CNTNAP2: variants seen among roughly 807,000 people sequenced by gnomAD.
CNTNAP2 encodes contactin-associated protein-like 2.
Under a neutral mutation model 155.2 loss-of-function variants are expected in CNTNAP2, and 98 were observed. That is an observed-to-expected ratio of 0.63 (90% CI 0.54 to 0.75). The LOEUF is 0.75. CNTNAP2 is among the 30% of genes least tolerant of loss of function. The probability of loss-of-function intolerance (pLI) is 0.00; values close to 1 mark genes in which losing one functional copy is unlikely to be tolerated. For synonymous variants in CNTNAP2, 651 were observed against 631.2 expected (o/e 1.03, Z -0.47); for missense variants, 1,727 against 1,688.1 (o/e 1.02, Z -0.40).
intron 4 of CNTNAP2, chr7:147,081,064 A>C (rs1800115239): frequency 6.6e-6 from 1 of 152,196 alleles, no homozygotes; most frequent in Admixed American, 6.5e-5. Context: ...GGAGTATATA[A>C]TCTAATGAAA....
chr7:146,572,555 A>G (rs932068024), intron 1 of CNTNAP2, among the ~76,000 whole-genome samples: 2 of 152,214 alleles, frequency 1.3e-5, no homozygotes, highest in African/African-American at 2.4e-5. Flanking sequence ...ATTTGCCCAT[A>G]CTATGGACAT....
In CNTNAP2 at chr7:147,139,976, T is replaced by C. The variant is rs75160687; in HGVS notation, c.1348+7467T>C. The stretch of plus-strand genomic sequence containing the variant: ...TTTTCTGACTTATTTTATTCTGATA[T>C]ATTTCCCTTGAGGCTTTTCTAACCT... On this transcript the variant is annotated intron_variant, in intron 8 of 23. Transcript: ENST00000361727. Among the ~76,000 whole-genome samples, 592 of 152,212 alleles carry C rather than the reference T, an allele frequency of 3.9e-3. 5 individuals carry two copies. Among genetic ancestry groups the C allele is most frequent in the African/African-American group, 0.014 (570 of 41,538 alleles).
At chr7:148,203,916 T>C (rs1372684277) in intron 18 of CNTNAP2, among the ~76,000 whole-genome samples, 1 of 152,168 alleles carries the variant, frequency 6.6e-6, no homozygotes, top group Admixed American at 6.5e-5. Flanking sequence ...CCTCTTGGAC[T>C]CGGTATACCA....
At chr7:146,441,052 G>A (rs192372569) in intron 1 of CNTNAP2, among the ~76,000 whole-genome samples, 8 of 151,598 alleles carry the variant, frequency 5.3e-5, no homozygotes, top group Admixed American at 3.3e-4. Flanking sequence ...TGTCAGAATT[G>A]TAGGCGTATT....
At chr7:146,660,676 A>G (rs1160937351) in intron 1 of CNTNAP2, among the ~76,000 whole-genome samples, 5 of 152,228 alleles carry the variant, frequency 3.3e-5, no homozygotes, top group African/African-American at 4.8e-5. Flanking sequence ...TCTAATGGTT[A>G]GAAACGCTTT....
chr7:148,334,996 A>C (rs1798094134), intron 21 of CNTNAP2, among the ~76,000 whole-genome samples: 1 of 152,204 alleles, frequency 6.6e-6, no homozygotes. Context: ...AAGATGAGGC[A>C]CCTGGAGCCA....
At chr7:147,683,954 T>C (rs912508221) in intron 13 of CNTNAP2, among the ~76,000 whole-genome samples, 2 of 151,742 alleles carry the variant, frequency 1.3e-5, no homozygotes, top group African/African-American at 4.8e-5. Context: ...ACCTACTTTT[T>C]CATTCTTTGA....
chr7:147,552,601 C>T (rs912758951), intron 11 of CNTNAP2, among the ~76,000 whole-genome samples: 31 of 150,752 alleles, frequency 2.1e-4, no homozygotes, highest in African/African-American at 7.3e-4. Flanking sequence ...CACACACACA[C>T]ACACACAGAG....
intron 10 of CNTNAP2, among the ~76,000 whole-genome samples, chr7:147,407,277 G>A (rs1216339967): frequency 6.6e-6 from 1 of 151,802 alleles, no homozygotes; most frequent in Non-Finnish European, 1.5e-5. Context: ...GACCATCCTG[G>A]CTAACATGGT....
At chr7:146,473,957 A>G (rs1262121153) in intron 1 of CNTNAP2, among the ~76,000 whole-genome samples, 1 of 152,228 alleles carries the variant, frequency 6.6e-6, no homozygotes, top group East Asian at 1.9e-4. Context: ...TATTTTTAGT[A>G]AGAGCCATCT....
At chr7:146,799,901 A>C (rs1802842838) in intron 2 of CNTNAP2, among the ~76,000 whole-genome samples, 1 of 152,168 alleles carries the variant, frequency 6.6e-6, no homozygotes, top group African/African-American at 2.4e-5. Context: ...AAATTTAGTA[A>C]AATTCCTGGT....
rs533957521 is a variant in CNTNAP2 at position 148,359,253 on chromosome 7, CA to C, written c.3476-24393del. 1.6e-3 allele frequency among the ~76,000 whole-genome samples: 238 copies of C among 152,332 alleles called. 1 individual carries two copies. Among genetic ancestry groups the C allele is most frequent in the African/African-American group, 5.4e-3 (224 of 41,572 alleles). ...GCATTCTGTGACGTTCCCACAATAACAAAGTTGCCTAACAAGACTCATTTCA... is the reference window on the plus strand; with the variant it reads ...GCATTCTGTGACGTTCCCACAATAACAAGTTGCCTAACAAGACTCATTTCA... On this transcript the variant is annotated intron_variant, in intron 21 of 23. Transcript: ENST00000361727.
At chr7:147,901,809 C>T (rs1411381025) in intron 13 of CNTNAP2, among the ~76,000 whole-genome samples, 1 of 152,090 alleles carries the variant, frequency 6.6e-6, no homozygotes, top group African/African-American at 2.4e-5. Context: ...TGTTGAGTTG[C>T]TTCTAATGTT....
intron 13 of CNTNAP2, among the ~76,000 whole-genome samples, chr7:147,890,785 T>C (rs936449106): frequency 1.3e-5 from 2 of 152,050 alleles, no homozygotes; most frequent in African/African-American, 4.8e-5. Flanking sequence ...TGAATGGTGG[T>C]TACCAGAGGC....
chr7:147,415,124 TA>T (rs1013171835), intron 10 of CNTNAP2, among the ~76,000 whole-genome samples: 3 of 152,082 alleles, frequency 2.0e-5, no homozygotes, highest in Admixed American at 6.5e-5. Flanking sequence ...TACACCTTTG[TA>T]TACCTCCCTC....
chr7:146,317,733 A>G (rs1800932354), intron 1 of CNTNAP2, among the ~76,000 whole-genome samples: 1 of 152,264 alleles, frequency 6.6e-6, no homozygotes, highest in African/African-American at 2.4e-5. Flanking sequence ...TGGCAGAAAG[A>G]ATACGCAGAA....
intron 1 of CNTNAP2, among the ~76,000 whole-genome samples, chr7:146,423,802 ATCTTT>A (rs1267739680): frequency 2.0e-5 from 3 of 152,228 alleles, no homozygotes; most frequent in Non-Finnish European, 4.4e-5. Flanking sequence ...CAGAAGGTAG[ATCTTT>A]TCTTTTTTAA....
chr7:147,414,432 TAA>T (rs55692955), intron 10 of CNTNAP2, among the ~76,000 whole-genome samples: 64,750 of 121,784 alleles, frequency 0.53, 15,629 homozygotes, highest in East Asian at 0.66. Context: ...TCAAAAACAT[TAA>T]AAAAAAAAAA....
Position 147,020,139 on chromosome 7 carries a change from A to G in CNTNAP2, c.403-23768A>G, listed in dbSNP as rs1230443616. On this transcript the variant is annotated intron_variant, in intron 3 of 23. Coordinates refer to ENST00000361727, the MANE Select transcript of CNTNAP2 (RefSeq NM_014141.6). ...GTGATTGTAGTTGATTGGGAAAAAT[A>G]GATTTTGCACATATCATAGATGATC... Among the ~76,000 whole-genome samples, 9 of 152,178 alleles carry G rather than the reference A, an allele frequency of 5.9e-5. 1 individual carries two copies. The highest frequency in any genetic ancestry group is 5.9e-4 in the Admixed American group (9 of 15,274).
Sources: gnomAD v4.1 joint callset for allele counts (sites outside exome capture counted in the v4.1 genomes callset) on GRCh38, gnomAD v4.1.1 for gene constraint, MANE v1.5 for transcripts, NCBI Gene and HGNC (gene_info 2026-07-23, HGNC 2026-07-21) for gene names.